KREMEN1: variants seen among roughly 807,000 people sequenced by gnomAD.
KREMEN1 encodes kringle containing transmembrane protein 1.
Under a neutral mutation model 46.5 loss-of-function variants are expected in KREMEN1, and 30 were observed. The observed-to-expected ratio is 0.65, with a 90% CI of 0.48 to 0.88. KREMEN1 has a LOEUF of 0.88. Among genes scored for constraint, KREMEN1 ranks in the 40% least tolerant of loss-of-function variants. The pLI is 0.00. For synonymous variants in KREMEN1, 214 were observed against 230.6 expected (o/e 0.93, Z 0.65); for missense variants, 533 against 596.9 (o/e 0.89, Z 1.11).
At chr22:29,128,471 T>C (rs1390960483) in intron 5 of KREMEN1, among the ~76,000 whole-genome samples, 1 of 152,174 alleles carries the variant, frequency 6.6e-6, no homozygotes, top group East Asian at 1.9e-4. Flanking sequence ...GTGTGGTAGA[T>C]AAAAGTATGT....
intron 5 of KREMEN1, among the ~76,000 whole-genome samples, chr22:29,135,916 G>A (rs2038649525): frequency 6.6e-6 from 1 of 152,022 alleles, no homozygotes; most frequent in South Asian, 2.1e-4. Flanking sequence ...GATAGAAGCA[G>A]CATTCACTTG....
chr22:29,093,120 G>GT (rs1302685034), intron 1 of KREMEN1, among the ~76,000 whole-genome samples: 5 of 152,202 alleles, frequency 3.3e-5, no homozygotes, highest in Admixed American at 3.3e-4. Context: ...GAAGAGAGAT[G>GT]TTCTGTGGAT....
At chr22:29,100,505 G>A (rs982086372) in intron 3 of KREMEN1, among the ~76,000 whole-genome samples, 1 of 152,172 alleles carries the variant, frequency 6.6e-6, no homozygotes, top group Admixed American at 6.5e-5. Flanking sequence ...TTACTCATGT[G>A]TTTGTGGTGA....
chr22:29,149,859 C>A (rs1293945140), downstream of KREMEN1, among the ~76,000 whole-genome samples: 1 of 152,172 alleles, frequency 6.6e-6, no homozygotes, highest in Non-Finnish European at 1.5e-5. Context: ...CCAGCCCCAT[C>A]CTTTGTCAGG....
chr22:29,106,306 C>T (rs1301560434), intron 3 of KREMEN1, among the ~76,000 whole-genome samples: 2 of 151,728 alleles, frequency 1.3e-5, no homozygotes, highest in South Asian at 2.1e-4. Flanking sequence ...CTGCAAGCTC[C>T]GCCTCCCGGG....
intron 1 of KREMEN1, among the ~76,000 whole-genome samples, chr22:29,087,036 T>C (rs1485827823): frequency 6.6e-6 from 1 of 152,166 alleles, no homozygotes; most frequent in Non-Finnish European, 1.5e-5. Context: ...GTTCTGGGAT[T>C]ACAGGCATGA....
At chr22:29,123,299 G>A (rs1436030887) in intron 4 of KREMEN1, among the ~76,000 whole-genome samples, 1 of 150,780 alleles carries the variant, frequency 6.6e-6, no homozygotes, top group Non-Finnish European at 1.5e-5. Flanking sequence ...GAAAATATTT[G>A]CAAATCACAT....
chr22:29,090,869 A>G (rs998393185), intron 1 of KREMEN1, among the ~76,000 whole-genome samples: 12 of 152,354 alleles, frequency 7.9e-5, no homozygotes, highest in Non-Finnish European at 1.5e-4. Flanking sequence ...ACTGAGAACA[A>G]GATTGGGTCT....
rs146915661 is a variant in KREMEN1 at position 29,137,548 on chromosome 22, G to A, written c.838G>A (p.Val280Ile). The A allele has an allele frequency of 1.1e-3, 1,811 of 1,613,752 alleles. 3 individuals carry two copies. Among genetic ancestry groups the A allele is most frequent in the Middle Eastern group, 2.1e-3 (13 of 6,060 alleles). ...GCTTCTGGATGGCTACACCCACCGT[G>A]TCCTAGCCCGCTTCCACGGGAGGAG... is the stretch of plus-strand genomic sequence containing the variant. ...VELLDGYTHR[V>I]LARFHGRSRP... is the part of the protein sequence containing the mutation. Residue 280 changes from valine (V) to isoleucine (I), a missense_variant, in exon 6 of 9, where the codon GTC (valine) becomes ATC (isoleucine). Coordinates refer to ENST00000400335, the MANE Select transcript of KREMEN1 (RefSeq NM_001039570.3).
intron 3 of KREMEN1, among the ~76,000 whole-genome samples, chr22:29,118,782 A>G (rs574826775): frequency 6.6e-6 from 1 of 152,264 alleles, no homozygotes; most frequent in African/African-American, 2.4e-5. Flanking sequence ...CCATACATTC[A>G]TACACTTCTC....
chr22:29,086,720 C>T (rs2037734504), intron 1 of KREMEN1, among the ~76,000 whole-genome samples: 1 of 152,096 alleles, frequency 6.6e-6, no homozygotes, highest in Non-Finnish European at 1.5e-5. Context: ...GATAGGTGTG[C>T]TATGTGAATA....
chr22:29,153,265 G>T (rs1301111629), intron 9 of KREMEN1, among the ~76,000 whole-genome samples: 1 of 152,126 alleles, frequency 6.6e-6, no homozygotes, highest in East Asian at 1.9e-4. Flanking sequence ...CCTGTATCTT[G>T]TGAAGCCAGT....
chr22:29,130,202 A>G (rs1351607908), intron 5 of KREMEN1, among the ~76,000 whole-genome samples: 3 of 152,202 alleles, frequency 2.0e-5, no homozygotes, highest in African/African-American at 4.8e-5. Context: ...TGAGGCTCAT[A>G]AAAGTTCAGT....
chr22:29,167,183 T>G, exon 10 of KREMEN1: 1 of 1,168,350 alleles, frequency 8.6e-7, no homozygotes, highest in Non-Finnish European at 1.3e-6. Context: ...TCATTGCCTC[T>G]CCTCGCACAG....
chr22:29,145,093 A>G lies in KREMEN1; in HGVS notation c.*2981A>G, dbSNP rs1569338569. ...CCTGCCGCAGCCTGGCTATGGACTCAGTTAGAACCAGGTAGAAAGTCAGCG... is the reference window on the plus strand; with the variant it reads ...CCTGCCGCAGCCTGGCTATGGACTCGGTTAGAACCAGGTAGAAAGTCAGCG... On this transcript the variant is annotated 3_prime_UTR_variant, in exon 9 of 9. Transcript: ENST00000400335. The G allele has an allele frequency of 1.1e-5, 11 of 985,578 alleles. No homozygotes were observed. Among genetic ancestry groups the G allele is most frequent in the Non-Finnish European group, 1.2e-5 (10 of 830,070 alleles). 61.1% of individuals were successfully genotyped at this position (985,578 alleles called of 1,614,324 possible).
At chr22:29,156,801 C>T (rs192564224) in intron 9 of KREMEN1, among the ~76,000 whole-genome samples, 135 of 152,332 alleles carry the variant, frequency 8.9e-4, no homozygotes, top group Non-Finnish European at 1.1e-3. Flanking sequence ...ACTAAACACC[C>T]TCGGACCAGG....
At chr22:29,124,782 C>G (rs145820344) in intron 4 of KREMEN1, among the ~76,000 whole-genome samples, 1 of 152,140 alleles carries the variant, frequency 6.6e-6, no homozygotes, top group Non-Finnish European at 1.5e-5. Context: ...CGTAAGCCAC[C>G]ATGCCCGGCT....
chr22:29,160,702 A>G (rs566547197), intron 9 of KREMEN1, among the ~76,000 whole-genome samples: 1 of 152,306 alleles, frequency 6.6e-6, no homozygotes, highest in East Asian at 1.9e-4. Flanking sequence ...GATACAAAAT[A>G]CCAAAATCTC....
chr22:29,099,017 A>G, intron 3 of KREMEN1, 64 bp downstream of exon 3: 1 of 1,257,944 alleles, frequency 7.9e-7, no homozygotes, highest in Non-Finnish European at 1.2e-6. Flanking sequence ...GCGTAGAGGG[A>G]GGCCCCTGCC....
Sources: allele counts gnomAD v4.1 joint callset (sites outside exome capture counted in the v4.1 genomes callset), GRCh38; gene constraint gnomAD v4.1.1; transcripts MANE v1.5; gene names NCBI Gene and HGNC (gene_info 2026-07-23, HGNC 2026-07-21).